The following WDR4 variants were observed in gnomAD, a reference collection of about 807,000 sequenced individuals.
WDR4 encodes the protein WDR4 tRNA N7-guanosine methyltransferase non-catalytic subunit, also known as tRNA (guanine-N(7)-)-methyltransferase non-catalytic subunit WDR4.
In WDR4, 47 loss-of-function variants were observed where a neutral mutation model predicts 48.6. That is an observed-to-expected ratio of 0.97 (90% confidence interval 0.77 to 1.23). WDR4 has a LOEUF of 1.23. Among genes scored for constraint, WDR4 ranks in the 50% most tolerant of loss-of-function variants. WDR4 has a pLI of 0.00. For synonymous variants in WDR4, 268 were observed against 230.0 expected (o/e 1.17, Z -1.49); for missense variants, 606 against 551.6 (o/e 1.10, Z -0.99).
At chr21:42,852,446 C>A in intron 9 of WDR4, 122 bp from the exon 10 acceptor site, 1 of 1,066,062 alleles carries the variant, frequency 9.4e-7, no homozygotes. Flanking sequence ...TGCCTGGGGA[C>A]CCCCATTCAC....
chr21:42,855,905 A>G, intron 6 of WDR4, 125 bp from the exon 7 acceptor site: 1 of 613,158 alleles, frequency 1.6e-6, no homozygotes, highest in Non-Finnish European at 2.7e-6. Flanking sequence ...CACCCTCAGG[A>G]ATTAAAGGCT....
chr21:42,859,507 C>A (rs537608136), intron 6 of WDR4, among the ~76,000 whole-genome samples, 155 bp downstream of exon 6: 1 of 151,646 alleles, frequency 6.6e-6, no homozygotes, highest in Non-Finnish European at 1.5e-5. Context: ...CGGCCGCAGG[C>A]GGGGAGCGAG....
the WDR4 span, among the ~76,000 whole-genome samples, chr21:42,887,322 A>G: frequency 3.4e-5 from 5 of 149,226 alleles, no homozygotes; most frequent in African/African-American, 1.2e-4. Flanking sequence ...TTTATTTTAT[A>G]AAGAGGCAGA....
At chr21:42,861,932 T>C (rs931158846) in intron 5 of WDR4, among the ~76,000 whole-genome samples, 1 of 152,020 alleles carries the variant, frequency 6.6e-6, no homozygotes, top group African/African-American at 2.4e-5. Flanking sequence ...ATCACTAAAG[T>C]TCATCCTCGC....
rs147153306 is a variant in WDR4, at chr21:42,866,289, G to T, written c.297-2693C>A. The stretch of plus-strand genomic sequence containing the variant: ...TGCTACCTGGGAAAGAATCGTTGCT[G>T]CCCACAACTTCCATCTTGGCTACGC... On this transcript the variant is annotated intron_variant, in intron 3 of 10. Coordinates refer to ENST00000398208, the MANE Select transcript of WDR4 (RefSeq NM_018669.6). Among the ~76,000 whole-genome samples, 1,171 of 152,238 alleles carry T rather than the reference G, an allele frequency of 7.7e-3. 10 individuals carry two copies. Among genetic ancestry groups the T allele is most frequent in the Non-Finnish European group, 8.8e-3 (602 of 68,030 alleles).
At position 42,869,398 on chromosome 21, in the gene WDR4, G is replaced by A. The variant is rs534901580; in HGVS notation, c.296+4153C>T. On this transcript the variant is annotated intron_variant, in intron 3 of 10. Transcript: ENST00000398208. ...CACGTCTGAGATCCGTGTACACATC[G>A]GCACGTGGATCTCAGCTCTGCACTT... 2.6e-5 allele frequency among the ~76,000 whole-genome samples: 4 copies of A among 152,182 alleles called. No individual in the cohort carries two copies. In the East Asian group the frequency reaches 5.8e-4, roughly 22 times the overall value.
intron 9 of WDR4, among the ~76,000 whole-genome samples, chr21:42,852,905 A>C (rs2057872775): frequency 7.3e-6 from 1 of 137,724 alleles, no homozygotes; most frequent in South Asian, 2.2e-4. Flanking sequence ...ACACGAGCAA[A>C]ACTCCGTCTC....
chr21:42,882,158 G>A (rs2058614426), upstream of WDR4, among the ~76,000 whole-genome samples: 1 of 151,844 alleles, frequency 6.6e-6, no homozygotes, highest in Non-Finnish European at 1.5e-5. Flanking sequence ...GCCTCCCAAA[G>A]TGTTGGGATT....
upstream of WDR4, chr21:42,883,824 C>T (rs2058622503): frequency 6.5e-6 from 1 of 153,300 alleles, no homozygotes; most frequent in Admixed American, 6.5e-5. Context: ...TGTTGTAATC[C>T]ACCTGATATG....
intron 7 of WDR4, 41 bp from the exon 8 acceptor site, chr21:42,854,667 G>T (rs1483442274): frequency 6.3e-7 from 1 of 1,598,844 alleles, no homozygotes; most frequent in Admixed American, 1.7e-5. Flanking sequence ...GCCACCTGCA[G>T]GGGCCCGACG....
chr21:42,888,388 G>A, the WDR4 span, among the ~76,000 whole-genome samples: 1 of 152,202 alleles, frequency 6.6e-6, no homozygotes, highest in South Asian at 2.1e-4. Flanking sequence ...GTGAAACCCT[G>A]TCTCTACAAA....
At chr21:42,872,002 G>A (rs78836835) in intron 3 of WDR4, among the ~76,000 whole-genome samples, 1 of 143,302 alleles carries the variant, frequency 7.0e-6, no homozygotes, top group African/African-American at 2.6e-5. Context: ...TTTTTTTTTT[G>A]AGACGGGGTT....
intron 9 of WDR4, 97 bp downstream of exon 9, chr21:42,853,472 G>T: frequency 7.3e-7 from 1 of 1,365,722 alleles, no homozygotes. Context: ...AGTTGAAAGA[G>T]GCTTACCCAT....
chr21:42,871,055 T>C (rs2058359398), intron 3 of WDR4, among the ~76,000 whole-genome samples: 1 of 152,146 alleles, frequency 6.6e-6, no homozygotes, highest in African/African-American at 2.4e-5. Flanking sequence ...GTCATTGGGA[T>C]AGCCCTGACC....
At chr21:42,871,871 C>T (rs573371553) in intron 3 of WDR4, among the ~76,000 whole-genome samples, 6 of 152,132 alleles carry the variant, frequency 3.9e-5, no homozygotes, top group African/African-American at 9.7e-5. Context: ...TAGTAAAACC[C>T]GTATACACAA....
Position 42,879,529 on chromosome 21 carries a change from C to G in WDR4, c.-34G>C. The G allele has an allele frequency of 6.2e-7, 1 of 1,610,424 alleles. No individual in the cohort carries two copies. Among genetic ancestry groups the G allele is most frequent in the Non-Finnish European group, 8.5e-7 (1 of 1,178,756 alleles). On this transcript the variant is annotated 5_prime_UTR_variant, in exon 1 of 11. Transcript: ENST00000398208. The stretch of plus-strand genomic sequence containing the variant: ...CCGCCTCACCGCCATACACATGTGC[C>G]AGCCCAGAGCCTCTTCCTGTCCGCA...
At chr21:42,859,924 G>T (rs559637886) in intron 5 of WDR4, among the ~76,000 whole-genome samples, 1 of 152,092 alleles carries the variant, frequency 6.6e-6, no homozygotes, top group East Asian at 1.9e-4. Flanking sequence ...GGACGCAGTC[G>T]GGGAGGTGAG....
intron 4 of WDR4, 96 bp downstream of exon 4, chr21:42,863,344 G>C (rs2058162142): frequency 6.9e-7 from 1 of 1,440,584 alleles, no homozygotes; most frequent in African/African-American, 1.4e-5. Context: ...CCTTGACAGG[G>C]TAGACATTGA....
intron 3 of WDR4, among the ~76,000 whole-genome samples, chr21:42,863,905 G>A (rs141002930): frequency 0.15 from 16,703 of 111,810 alleles, 1,553 homozygotes; most frequent in Non-Finnish European, 0.19. Context: ...AGGAGATTGA[G>A]ACCATTCTGG....
Sources: gnomAD v4.1 joint callset for allele counts (sites outside exome capture counted in the v4.1 genomes callset) on GRCh38, gnomAD v4.1.1 for gene constraint, MANE v1.5 for transcripts, NCBI Gene and HGNC (gene_info 2026-07-23, HGNC 2026-07-21) for gene names.